The following GASK1B variants were observed in gnomAD, a reference collection of about 807,000 sequenced individuals.
GASK1B encodes the protein golgi associated kinase 1B.
In GASK1B, 34 loss-of-function variants were observed where a neutral mutation model predicts 42.8. That is an observed-to-expected ratio of 0.79 (90% CI 0.60 to 1.06). The LOEUF (loss-of-function observed/expected upper bound fraction) is 1.06. Ranked by LOEUF, GASK1B falls within the 50% of genes least tolerant of loss-of-function variation. The pLI, the probability that GASK1B is intolerant of heterozygous loss-of-function variation, is 0.00. For missense variants in GASK1B, 686 were observed against 661.0 expected, an observed-to-expected ratio of 1.04 and a Z score of -0.42; for synonymous variants, 262 against 259.1, an observed-to-expected ratio of 1.01 and a Z score of -0.11.
chr4:158,154,491 C>T (rs1731683716), intron 3 of GASK1B, among the ~76,000 whole-genome samples: 5 of 152,142 alleles, frequency 3.3e-5, no homozygotes, highest in Admixed American at 3.3e-4. Context: ...CCCTTTGATC[C>T]AGCAATCCCA....
intron 3 of GASK1B, among the ~76,000 whole-genome samples, chr4:158,150,673 G>C (rs1731522869): frequency 6.6e-6 from 1 of 152,132 alleles, no homozygotes; most frequent in South Asian, 2.1e-4. Flanking sequence ...CTATAAAATG[G>C]AGAAAGGATG....
chr4:158,141,937 T>C (rs1731146161), intron 3 of GASK1B, among the ~76,000 whole-genome samples: 6 of 8,102 alleles, frequency 7.4e-4, no homozygotes, highest in Admixed American at 2.2e-3. Flanking sequence ...TTTTTTTTTT[T>C]TTTTTTTTTT....
intron 3 of GASK1B, among the ~76,000 whole-genome samples, chr4:158,142,336 A>G (rs563502364): frequency 1.2e-3 from 188 of 152,288 alleles, no homozygotes; most frequent in Non-Finnish European, 2.0e-3. Context: ...TCTACCACTA[A>G]AGGCAGTGGT....
intron 3 of GASK1B, among the ~76,000 whole-genome samples, chr4:158,138,100 T>C (rs1730974228): frequency 6.6e-6 from 1 of 152,222 alleles, no homozygotes; most frequent in Non-Finnish European, 1.5e-5. Flanking sequence ...TAAGTAAAAG[T>C]ATTCTAAGGT....
rs760148772 is a variant in GASK1B at position 158,130,836 on chromosome 4, A to G, written c.1302T>C (p.Phe434=). 8.7e-6 allele frequency: 14 copies of G among 1,613,862 alleles called. No homozygotes were observed. In the South Asian group the frequency reaches 8.8e-5, roughly 10 times the overall value. The change falls in exon 4 of 5, where the codon TTT becomes TTC. Residue 434 remains phenylalanine (F), a synonymous_variant. Coordinates refer to ENST00000585682, the MANE Select transcript of GASK1B (RefSeq NM_001128424.2). ...AGTTTAAGTTATCTTCACTCCTGTC[A>G]AAGAAACCCTTGTTGTCTATAAAAA... The part of the protein sequence containing the change: ...HLVFIDNKGF[F]DRSEDNLNFK...
intron 2 of GASK1B, chr4:158,159,589 T>C: frequency 2.7e-6 from 1 of 364,598 alleles, no homozygotes; most frequent in Non-Finnish European, 5.5e-6. Flanking sequence ...AGTACTGGAC[T>C]CTCTAGAGAA....
intron 3 of GASK1B, among the ~76,000 whole-genome samples, chr4:158,141,318 G>C (rs1356294664): frequency 6.6e-6 from 1 of 151,652 alleles, no homozygotes; most frequent in African/African-American, 2.4e-5. Flanking sequence ...TCATTACAGA[G>C]GCATAGCTTA....
chr4:158,171,033 G>C lies in GASK1B; in HGVS notation c.343C>G (p.Arg115Gly), dbSNP rs773065820. ...CCACGGATATTGGCCGGCTTGCTGCGCTTGGAGCGTAGGGTAATGTACACC... is the reference window on the plus strand; with the variant it reads ...CCACGGATATTGGCCGGCTTGCTGCCCTTGGAGCGTAGGGTAATGTACACC... ...NVVYITLRSK[R>G]SKPANIRGTV... Residue 115 changes from arginine to glycine, a missense_variant, in exon 2 of 5, where the codon CGC (arginine) becomes GGC (glycine). Arg to Gly is a moderately radical substitution (Grantham distance 125). Coordinates refer to ENST00000585682, the MANE Select transcript of GASK1B (RefSeq NM_001128424.2). 6.2e-7 allele frequency: 1 copy of C among 1,613,832 alleles called. No individual in the cohort carries two copies. Among genetic ancestry groups the C allele is most frequent in the Non-Finnish European group, 8.5e-7 (1 of 1,179,854 alleles).
chr4:158,166,940 G>A (rs1732251610), intron 2 of GASK1B, among the ~76,000 whole-genome samples: 1 of 152,040 alleles, frequency 6.6e-6, no homozygotes, highest in South Asian at 2.1e-4. Context: ...AATTTTTGCT[G>A]GACAACTAAC....
In GASK1B at chr4:158,127,575, G is replaced by A. The variant is rs1457114567; in HGVS notation, c.1392C>T (p.His464=). 1.2e-6 allele frequency: 2 copies of A among 1,613,538 alleles called. No individual in the cohort carries two copies. The highest frequency in any genetic ancestry group is 1.7e-6 in the Non-Finnish European group (2 of 1,179,734). The part of the protein sequence containing the change: ...ASAVSVLKSQ[H]LRQKLLQSLF... ...GAGACTGAAGAAGTTTCTGCCGTAA[G>A]TGCTGGCTCTTCAAAACAGAAACTG... The change falls in exon 5 of 5, where the codon CAC becomes CAT. Residue 464 remains histidine, a synonymous_variant. Transcript: ENST00000585682.
intron 3 of GASK1B, among the ~76,000 whole-genome samples, chr4:158,153,670 G>A (rs887141856): frequency 1.3e-5 from 2 of 152,076 alleles, no homozygotes; most frequent in Non-Finnish European, 2.9e-5. Flanking sequence ...ATAGACCAAT[G>A]GAACAGAATA....
chr4:158,158,415 T>C (rs1731838746), intron 2 of GASK1B, among the ~76,000 whole-genome samples: 1 of 152,062 alleles, frequency 6.6e-6, no homozygotes, highest in Non-Finnish European at 1.5e-5. Context: ...AACAGATAAA[T>C]GTCAAGTTTT....
chr4:158,166,256 G>A (rs1189871833), intron 2 of GASK1B, among the ~76,000 whole-genome samples: 2 of 152,116 alleles, frequency 1.3e-5, no homozygotes, highest in Non-Finnish European at 2.9e-5. Flanking sequence ...ACATCTTTTT[G>A]TATTTAAGAA....
intron 2 of GASK1B, among the ~76,000 whole-genome samples, chr4:158,158,386 A>G (rs1731837459): frequency 6.6e-6 from 1 of 152,020 alleles, no homozygotes; most frequent in South Asian, 2.1e-4. Flanking sequence ...CTGTTCTAGA[A>G]CCTGCAGCTA....
intron 3 of GASK1B, among the ~76,000 whole-genome samples, chr4:158,149,366 T>C (rs529253134): frequency 2.5e-4 from 38 of 152,328 alleles, no homozygotes; most frequent in African/African-American, 7.7e-4. Context: ...TAACACACAA[T>C]AGATGTTGCA....
chr4:158,163,319 C>T (rs1252420816), intron 2 of GASK1B, among the ~76,000 whole-genome samples: 1 of 152,170 alleles, frequency 6.6e-6, no homozygotes, highest in African/African-American at 2.4e-5. Flanking sequence ...GCCTGTAATC[C>T]CAGCACTTTG....
At chr4:158,130,414 CTA>C (rs1314670571) in intron 4 of GASK1B, among the ~76,000 whole-genome samples, 1 of 152,160 alleles carries the variant, frequency 6.6e-6, no homozygotes, top group Non-Finnish European at 1.5e-5. Context: ...TTCCCATGTC[CTA>C]TCTTATGCCT....
At chr4:158,170,366 T>A (rs1468450266) in intron 2 of GASK1B, 100 bp downstream of exon 2, 2 of 1,613,842 alleles carry the variant, frequency 1.2e-6, no homozygotes, top group East Asian at 4.5e-5. Flanking sequence ...ATGTGAACCG[T>A]GGGTGGAGAA....
At chr4:158,148,430 T>TACAAGA (rs1731417581) in intron 3 of GASK1B, among the ~76,000 whole-genome samples, 1 of 152,232 alleles carries the variant, frequency 6.6e-6, no homozygotes, top group Non-Finnish European at 1.5e-5. Context: ...AATTAGCCTC[T>TACAAGA]TACATTTTGC....
Sources: allele counts gnomAD v4.1 joint callset (sites outside exome capture counted in the v4.1 genomes callset), GRCh38; gene constraint gnomAD v4.1.1; transcripts MANE v1.5; gene names NCBI Gene and HGNC (gene_info 2026-07-23, HGNC 2026-07-21).